Variants in LGSN observed in about 807,000 individuals in gnomAD.
LGSN encodes lengsin.
Under a neutral mutation model 19.5 loss-of-function variants are expected in LGSN, and 21 were observed. That is an observed-to-expected ratio of 1.07 (90% CI 0.76 to 1.55). The LOEUF (loss-of-function observed/expected upper bound fraction) is 1.55. LGSN is among the 40% of genes most tolerant of loss of function. The probability of loss-of-function intolerance (pLI) is 0.00; values close to 1 mark genes in which losing one functional copy is unlikely to be tolerated. For synonymous variants in LGSN, 257 were observed against 215.6 expected (o/e 1.19, Z -1.68); for missense variants, 673 against 608.5 (o/e 1.11, Z -1.12).
chr6:63,430,161 T>C, the LGSN span, among the ~76,000 whole-genome samples: 1 of 152,126 alleles, frequency 6.6e-6, no homozygotes, highest in African/African-American at 2.4e-5. Flanking sequence ...TCTTCCTTGT[T>C]CCTTCCCATT....
the LGSN span, among the ~76,000 whole-genome samples, chr6:63,412,518 G>GAA: frequency 1.0e-5 from 1 of 99,792 alleles, no homozygotes; most frequent in Non-Finnish European, 2.0e-5. Context: ...AAGAAAGAAA[G>GAA]AAAGAAAGAA....
At position 63,277,279 on chromosome 6, in the gene LGSN, C is replaced by T. The variant is rs1394806332; in HGVS notation, c.*2742G>A. On this transcript the variant is annotated 3_prime_UTR_variant, in exon 4 of 4. Coordinates refer to ENST00000370657, the MANE Select transcript of LGSN (RefSeq NM_016571.3). ...GCATTAGACATGTTTCATTAAGGCC[C>T]GTGGACTATAAAGGGATATGCCACT... is the stretch of plus-strand genomic sequence containing the variant. 1.3e-5 allele frequency: 2 copies of T among 152,098 alleles called. No individual in the cohort carries two copies. The highest frequency in any genetic ancestry group is 2.9e-5 in the Non-Finnish European group (2 of 68,020). 9.4% of individuals were successfully genotyped at this position (152,098 alleles called of 1,614,324 possible).
At chr6:63,472,698 T>G in the LGSN span, among the ~76,000 whole-genome samples, 1 of 152,090 alleles carries the variant, frequency 6.6e-6, no homozygotes, top group Non-Finnish European at 1.5e-5. Flanking sequence ...CCCAGCACTT[T>G]GGGAGGCTGA....
the LGSN span, among the ~76,000 whole-genome samples, chr6:63,398,157 A>G: frequency 6.7e-6 from 1 of 149,156 alleles, no homozygotes; most frequent in African/African-American, 2.5e-5. Flanking sequence ...ATTTATTTAT[A>G]TATTTACTAT....
the LGSN span, among the ~76,000 whole-genome samples, chr6:63,464,793 G>A: frequency 3.3e-5 from 5 of 151,874 alleles, no homozygotes; most frequent in East Asian, 1.9e-4. Flanking sequence ...TTGGGAGGCC[G>A]AGGCAGGTGG....
chr6:63,522,594 T>G, the LGSN span, among the ~76,000 whole-genome samples: 1 of 152,196 alleles, frequency 6.6e-6, no homozygotes, highest in East Asian at 1.9e-4. Flanking sequence ...CAAATTACAT[T>G]ATTTGTATTA....
chr6:63,419,748 C>G, the LGSN span, among the ~76,000 whole-genome samples: 2 of 150,706 alleles, frequency 1.3e-5, no homozygotes. Flanking sequence ...ATTAGCCGGC[C>G]GTGTTGGTGG....
chr6:63,515,921 C>T, the LGSN span, among the ~76,000 whole-genome samples: 10 of 152,090 alleles, frequency 6.6e-5, no homozygotes, highest in African/African-American at 2.4e-4. Context: ...TAATACTTTC[C>T]AAATAACTTA....
chr6:63,290,332 T>A (rs1723526), intron 2 of LGSN, among the ~76,000 whole-genome samples: 107 of 152,322 alleles, frequency 7.0e-4, no homozygotes, highest in African/African-American at 2.5e-3. Flanking sequence ...TGATACAAGA[T>A]CTTTCTCCAG....
the LGSN span, among the ~76,000 whole-genome samples, chr6:63,408,685 CT>C: frequency 6.6e-6 from 1 of 151,004 alleles, no homozygotes; most frequent in Non-Finnish European, 1.5e-5. Flanking sequence ...CAAATGGGAT[CT>C]AATTAAACTA....
chr6:63,334,160 T>C, the LGSN span, among the ~76,000 whole-genome samples: 1 of 152,166 alleles, frequency 6.6e-6, no homozygotes, highest in Non-Finnish European at 1.5e-5. Context: ...GGCATCCAAA[T>C]TGGAAAAGAG....
chr6:63,333,400 C>T, the LGSN span, among the ~76,000 whole-genome samples: 1 of 149,218 alleles, frequency 6.7e-6, no homozygotes, highest in Non-Finnish European at 1.5e-5. Flanking sequence ...GCAAGCATTA[C>T]CCTGGCACCA....
chr6:63,461,589 T>G, the LGSN span, among the ~76,000 whole-genome samples: 1 of 152,224 alleles, frequency 6.6e-6, no homozygotes. Flanking sequence ...TGATCTAGTT[T>G]AATTCTGATG....
the LGSN span, among the ~76,000 whole-genome samples, chr6:63,414,590 A>G: frequency 6.6e-6 from 1 of 152,242 alleles, no homozygotes. Flanking sequence ...AAATATGTGC[A>G]GCTTTTTATA....
At chr6:63,407,603 C>A in the LGSN span, among the ~76,000 whole-genome samples, 1 of 152,116 alleles carries the variant, frequency 6.6e-6, no homozygotes, top group Non-Finnish European at 1.5e-5. Context: ...GGAAGCATTC[C>A]CTTTGAAAAC....
chr6:63,367,470 G>A, the LGSN span, among the ~76,000 whole-genome samples: 14 of 152,140 alleles, frequency 9.2e-5, no homozygotes, highest in Admixed American at 8.5e-4. Context: ...TGGAGAAATA[G>A]GAAAGCTTTT....
the LGSN span, among the ~76,000 whole-genome samples, chr6:63,552,687 A>G: frequency 1.3e-5 from 2 of 152,200 alleles, no homozygotes; most frequent in Non-Finnish European, 2.9e-5. Context: ...TTAAGTCTTT[A>G]ATCCATCTTG....
chr6:63,314,552 AGT>A (rs1768767977), intron 1 of LGSN, among the ~76,000 whole-genome samples: 1 of 152,206 alleles, frequency 6.6e-6, no homozygotes, highest in South Asian at 2.1e-4. Flanking sequence ...ACATTTCATG[AGT>A]GCCTTTCAGA....
At chr6:63,467,036 G>C in the LGSN span, among the ~76,000 whole-genome samples, 1 of 152,070 alleles carries the variant, frequency 6.6e-6, no homozygotes, top group Non-Finnish European at 1.5e-5. Context: ...GGAGTAAGTT[G>C]ACATAGAAAA....
Sources: gnomAD v4.1 joint callset for allele counts (sites outside exome capture counted in the v4.1 genomes callset) on GRCh38, gnomAD v4.1.1 for gene constraint, MANE v1.5 for transcripts, NCBI Gene and HGNC (gene_info 2026-07-23, HGNC 2026-07-21) for gene names.